NRG1: variants seen among roughly 807,000 people sequenced by gnomAD.
NRG1 encodes the protein pro-neuregulin-1, membrane-bound isoform.
Under a neutral mutation model 63.8 loss-of-function variants are expected in NRG1, and 18 were observed. The ratio of observed to expected loss-of-function variants is 0.28; its 90% CI spans 0.19 to 0.42. NRG1 has a LOEUF of 0.42. Ranked by LOEUF, NRG1 falls within the 10% of genes least tolerant of loss-of-function variation. The pLI, the probability that NRG1 is intolerant of heterozygous loss-of-function variation, is 1.00. For missense variants in NRG1, 762 were observed against 814.7 expected (o/e 0.94, Z 0.79); for synonymous variants, 302 against 301.3 (o/e 1.00, Z -0.02).
chr8:32,536,719 G>C (rs1340957975), intron 1 of NRG1, among the ~76,000 whole-genome samples: 1 of 150,888 alleles, frequency 6.6e-6, no homozygotes, highest in Non-Finnish European at 1.5e-5. Flanking sequence ...TCAGAAGATC[G>C]AGACCATCCT....
In NRG1 at chr8:32,575,313, A is replaced by C. The variant is rs146885717; in HGVS notation, c.101-20515A>C. Among the ~76,000 whole-genome samples, 1,098 of 152,020 alleles carry C rather than the reference A, an allele frequency of 7.2e-3. 14 individuals are homozygous for C. Among genetic ancestry groups the C allele is most frequent in the African/African-American group, 0.025 (1,031 of 41,488 alleles). ...TGTTCAATTGCCTTGTGGTTGGCCT[A>C]CTTCTTCTTTCTCTTCTTTCCTACT... On this transcript the variant is annotated intron_variant, in intron 1 of 11. Coordinates refer to ENST00000356819, the Ensembl canonical transcript of NRG1.
At chr8:32,643,745 A>G (rs947989101) in intron 5 of NRG1, among the ~76,000 whole-genome samples, 2 of 152,244 alleles carry the variant, frequency 1.3e-5, no homozygotes, top group African/African-American at 4.8e-5. Context: ...ATAAATAGAC[A>G]GTATTTAAAT....
intron 1 of NRG1, among the ~76,000 whole-genome samples, chr8:31,901,156 C>T (rs535944456): frequency 1.3e-5 from 2 of 152,076 alleles, no homozygotes; most frequent in East Asian, 1.9e-4. Context: ...AAAAGATGTT[C>T]GAATTTTGGG....
At chr8:32,355,838 AATCTAGGGAGTAGAAAAG>A (rs1806312281) in intron 1 of NRG1, among the ~76,000 whole-genome samples, 2 of 152,186 alleles carry the variant, frequency 1.3e-5, no homozygotes, top group Admixed American at 1.3e-4. Context: ...TCACAAACAT[AATCTAGGGAGTAGAAAAG>A]AAGTTCAATG....
At chr8:31,699,721 A>T (rs906461476) in intron 1 of NRG1, among the ~76,000 whole-genome samples, 173 of 149,074 alleles carry the variant, frequency 1.2e-3, no homozygotes, top group East Asian at 1.4e-3. Flanking sequence ...TAAAAAAAAA[A>T]TTTTTCACCT....
At chr8:32,068,564 T>C (rs1409480143) in intron 1 of NRG1, among the ~76,000 whole-genome samples, 3 of 152,126 alleles carry the variant, frequency 2.0e-5, no homozygotes, top group Non-Finnish European at 2.9e-5. Context: ...AAGTCAATAG[T>C]GATGCAGTAC....
At chr8:32,510,116 A>ATCATCATC (rs1554566643) in intron 1 of NRG1, among the ~76,000 whole-genome samples, 42 of 120,240 alleles carry the variant, frequency 3.5e-4, no homozygotes, top group Non-Finnish European at 6.7e-4. Flanking sequence ...TAATAATAAT[A>ATCATCATC]ATAATAATAA....
At chr8:32,182,562 T>A (rs1370740688) in intron 1 of NRG1, among the ~76,000 whole-genome samples, 1 of 152,152 alleles carries the variant, frequency 6.6e-6, no homozygotes, top group Non-Finnish European at 1.5e-5. Flanking sequence ...GGCTTCACAG[T>A]CAGTAGGCCC....
At chr8:32,716,386 A>G (rs1256955315) in intron 5 of NRG1, among the ~76,000 whole-genome samples, 1 of 152,190 alleles carries the variant, frequency 6.6e-6, no homozygotes. Flanking sequence ...TTTGATTTTT[A>G]GGTGGCTTTG....
chr8:32,503,763 C>G (rs952510678), intron 1 of NRG1, among the ~76,000 whole-genome samples: 2 of 152,098 alleles, frequency 1.3e-5, no homozygotes, highest in Non-Finnish European at 2.9e-5. Flanking sequence ...GACGGACATA[C>G]GCAGAGTGAG....
intron 1 of NRG1, among the ~76,000 whole-genome samples, chr8:31,987,690 G>C (rs1333730562): frequency 1.3e-5 from 2 of 151,812 alleles, no homozygotes. Flanking sequence ...CCAAACCCCA[G>C]CAACATGCAA....
intron 1 of NRG1, among the ~76,000 whole-genome samples, chr8:32,335,018 G>C (rs928217957): frequency 7.2e-5 from 11 of 152,012 alleles, no homozygotes; most frequent in Non-Finnish European, 1.0e-4. Flanking sequence ...CTGCTTCACA[G>C]ATAAGAAAGT....
chr8:31,674,357 G>A (rs748095886), intron 1 of NRG1, among the ~76,000 whole-genome samples: 1 of 152,112 alleles, frequency 6.6e-6, no homozygotes, highest in African/African-American at 2.4e-5. Context: ...TACCCGCAAC[G>A]TATAAGGGTT....
intron 1 of NRG1, among the ~76,000 whole-genome samples, chr8:32,362,753 G>C (rs1239317046): frequency 2.0e-5 from 3 of 152,148 alleles, no homozygotes; most frequent in Admixed American, 2.0e-4. Flanking sequence ...TTGAAAAAAT[G>C]CAATTTATAA....
intron 1 of NRG1, among the ~76,000 whole-genome samples, chr8:32,203,006 A>G (rs990129610): frequency 1.9e-4 from 29 of 151,802 alleles, no homozygotes; most frequent in Non-Finnish European, 1.5e-4. Flanking sequence ...TAGGAAGACC[A>G]TTGATGTGTT....
chr8:31,918,790 C>T (rs996339885), intron 1 of NRG1, among the ~76,000 whole-genome samples: 4 of 151,904 alleles, frequency 2.6e-5, no homozygotes, highest in African/African-American at 9.7e-5. Context: ...CCAGTTCCTC[C>T]TTGTACCTCT....
At chr8:31,646,146 C>T (rs886841346) in intron 1 of NRG1, among the ~76,000 whole-genome samples, 2 of 152,166 alleles carry the variant, frequency 1.3e-5, no homozygotes, top group Non-Finnish European at 2.9e-5. Context: ...CCCATGAGGA[C>T]GTGGATGGTA....
At chr8:32,093,433 G>A (rs1441375905) in intron 1 of NRG1, among the ~76,000 whole-genome samples, 2 of 152,214 alleles carry the variant, frequency 1.3e-5, no homozygotes, top group African/African-American at 4.8e-5. Context: ...CTAAAATTAG[G>A]ATCAAAGATA....
chr8:31,686,421 G>A (rs1808898731), intron 1 of NRG1, among the ~76,000 whole-genome samples: 1 of 152,102 alleles, frequency 6.6e-6, no homozygotes, highest in African/African-American at 2.4e-5. Flanking sequence ...CATGATTTTT[G>A]TGTATAGACA....
Sources: allele counts gnomAD v4.1 joint callset (sites outside exome capture counted in the v4.1 genomes callset), GRCh38; gene constraint gnomAD v4.1.1; transcripts MANE v1.5; gene names NCBI Gene and HGNC (gene_info 2026-07-23, HGNC 2026-07-21).